Variants in KDM4C observed in about 807,000 individuals in gnomAD.
The protein encoded by KDM4C is lysine-specific demethylase 4C.
Under a neutral mutation model 129.3 loss-of-function variants are expected in KDM4C, and 81 were observed. The ratio of observed to expected loss-of-function variants is 0.63; its 90% CI spans 0.52 to 0.75. The LOEUF is 0.75. Among genes scored for constraint, KDM4C ranks in the 30% least tolerant of loss-of-function variants. The pLI is 0.00. For synonymous variants in KDM4C, 573 were observed against 456.1 expected (o/e 1.26, Z -3.26); for missense variants, 1,457 against 1,304.0 (o/e 1.12, Z -1.81).
At chr9:6,981,369 G>C (rs1401861305) in intron 9 of KDM4C, among the ~76,000 whole-genome samples, 1 of 152,148 alleles carries the variant, frequency 6.6e-6, no homozygotes, top group Non-Finnish European at 1.5e-5. Flanking sequence ...TATAGAACTT[G>C]TTAGACCACT....
intron 18 of KDM4C, among the ~76,000 whole-genome samples, chr9:7,121,084 CT>C (rs1434930423): frequency 1.3e-5 from 2 of 152,066 alleles, no homozygotes; most frequent in Non-Finnish European, 2.9e-5. Flanking sequence ...CTCAGTGTTC[CT>C]TTTTTCTAGG....
rs145741504 is a variant in KDM4C, at chr9:7,086,576, G to A, written c.2425-17109G>A. Among the ~76,000 whole-genome samples, 131 of 152,294 alleles carry A rather than the reference G, an allele frequency of 8.6e-4. 1 individual carries two copies. Among genetic ancestry groups the A allele is most frequent in the African/African-American group, 3.1e-3 (127 of 41,562 alleles). On this transcript the variant is annotated intron_variant, in intron 17 of 21. Transcript: ENST00000381309. ...CTCCTACCACACTGCCCTTAGGTAAGTGCTGTGCTGGGCACCACCCTGTTC... is the reference window on the plus strand; with the variant it reads ...CTCCTACCACACTGCCCTTAGGTAAATGCTGTGCTGGGCACCACCCTGTTC...
intron 20 of KDM4C, among the ~76,000 whole-genome samples, chr9:7,168,077 A>G (rs993855874): frequency 6.6e-6 from 1 of 152,180 alleles, no homozygotes; most frequent in Admixed American, 6.5e-5. Flanking sequence ...AATTACAGCT[A>G]CTTGAGAGGC....
chr9:6,770,285 T>A (rs1821498864), intron 1 of KDM4C, among the ~76,000 whole-genome samples: 2 of 152,126 alleles, frequency 1.3e-5, no homozygotes, highest in South Asian at 4.1e-4. Context: ...ATGACTTGAC[T>A]TTGTGCTTAT....
At chr9:7,015,027 A>G (rs983217804) in intron 14 of KDM4C, among the ~76,000 whole-genome samples, 2 of 151,992 alleles carry the variant, frequency 1.3e-5, no homozygotes, top group East Asian at 3.9e-4. Context: ...TGATTCCTGA[A>G]TGTAGCAGCT....
chr9:6,864,786 A>G (rs1841620540), intron 5 of KDM4C, among the ~76,000 whole-genome samples: 1 of 148,922 alleles, frequency 6.7e-6, no homozygotes, highest in Non-Finnish European at 1.5e-5. Context: ...TTTAGTGGTA[A>G]TTTTCTATAT....
chr9:6,779,046 T>TTTTTTTTTTTTG (rs71315563), intron 1 of KDM4C, among the ~76,000 whole-genome samples: 1 of 144,252 alleles, frequency 6.9e-6, no homozygotes, highest in Admixed American at 6.9e-5. Flanking sequence ...TTTTTTTTTT[T>TTTTTTTTTTTTG]GAGATGGAGT....
chr9:6,977,160 T>C (rs543175751), intron 8 of KDM4C, among the ~76,000 whole-genome samples: 17 of 152,282 alleles, frequency 1.1e-4, no homozygotes, highest in Non-Finnish European at 2.5e-4. Context: ...TTTGGACATA[T>C]TTAAATCTTC....
intron 17 of KDM4C, among the ~76,000 whole-genome samples, 153 bp downstream of exon 17, chr9:7,049,353 C>T (rs1162560580): frequency 6.6e-6 from 1 of 151,912 alleles, no homozygotes; most frequent in Non-Finnish European, 1.5e-5. Flanking sequence ...TTTATTTATT[C>T]TTACAAATTC....
chr9:6,911,480 A>C (rs1355027148), intron 8 of KDM4C, among the ~76,000 whole-genome samples: 3 of 152,214 alleles, frequency 2.0e-5, no homozygotes, highest in African/African-American at 7.2e-5. Flanking sequence ...ACATATCCCG[A>C]TTAAGAAAAT....
At chr9:7,069,903 C>G (rs1735881058) in intron 17 of KDM4C, among the ~76,000 whole-genome samples, 1 of 152,104 alleles carries the variant, frequency 6.6e-6, no homozygotes, top group Non-Finnish European at 1.5e-5. Flanking sequence ...ATTTGAAGTG[C>G]TACAATATTA....
intron 8 of KDM4C, among the ~76,000 whole-genome samples, chr9:6,925,883 G>C (rs1822406297): frequency 1.3e-5 from 2 of 152,098 alleles, no homozygotes. Flanking sequence ...ATTGGGACGT[G>C]AAAAAATTCT....
intron 19 of KDM4C, among the ~76,000 whole-genome samples, chr9:7,136,053 G>A (rs1841173307): frequency 6.6e-6 from 1 of 152,228 alleles, no homozygotes; most frequent in Admixed American, 6.5e-5. Flanking sequence ...ATGGGCCAGA[G>A]TGTTTAAAGA....
At chr9:6,871,270 G>T (rs1160067656) in intron 5 of KDM4C, among the ~76,000 whole-genome samples, 5 of 152,202 alleles carry the variant, frequency 3.3e-5, no homozygotes, top group Non-Finnish European at 7.3e-5. Flanking sequence ...TACTATTATT[G>T]TGAAATGTTG....
intron 1 of KDM4C, among the ~76,000 whole-genome samples, chr9:6,759,186 T>C (rs1045290079): frequency 3.3e-5 from 5 of 152,216 alleles, no homozygotes; most frequent in African/African-American, 1.2e-4. Context: ...AGAGTCACTT[T>C]TATCCTGGTG....
intron 1 of KDM4C, among the ~76,000 whole-genome samples, chr9:6,784,477 C>G (rs908254804): frequency 6.6e-6 from 1 of 152,134 alleles, no homozygotes; most frequent in African/African-American, 2.4e-5. Context: ...AGTGGTCCAC[C>G]CACCTTGGCC....
chr9:6,868,358 C>T (rs1842364189), intron 5 of KDM4C, among the ~76,000 whole-genome samples: 1 of 152,100 alleles, frequency 6.6e-6, no homozygotes, highest in African/African-American at 2.4e-5. Context: ...ACATAGCATT[C>T]ATCCCAGGAA....
At chr9:6,798,573 C>G (rs1828209212) in intron 2 of KDM4C, among the ~76,000 whole-genome samples, 1 of 152,158 alleles carries the variant, frequency 6.6e-6, no homozygotes, top group African/African-American at 2.4e-5. Context: ...CATAGATCAA[C>G]AGGATCCCAA....
intron 21 of KDM4C, among the ~76,000 whole-genome samples, chr9:7,172,309 A>T (rs2130525602): frequency 6.6e-6 from 1 of 152,238 alleles, no homozygotes; most frequent in African/African-American, 2.4e-5. Context: ...TTTTCCACTC[A>T]CTTCAGAAGC....
Sources: allele counts gnomAD v4.1 joint callset (sites outside exome capture counted in the v4.1 genomes callset), GRCh38; gene constraint gnomAD v4.1.1; transcripts MANE v1.5; gene names NCBI Gene and HGNC (gene_info 2026-07-23, HGNC 2026-07-21).